MYO16: variants seen among roughly 807,000 people sequenced by gnomAD.
The protein encoded by MYO16 is myosin XVI, also known as unconventional myosin-XVI.
MYO16 carries 94 observed loss-of-function variants against 205.3 expected under a neutral mutation model. The observed-to-expected ratio is 0.46, with a 90% confidence interval of 0.39 to 0.54. The LOEUF is 0.54. Among genes scored for constraint, MYO16 ranks in the 20% least tolerant of loss-of-function variants. The probability of loss-of-function intolerance (pLI) is 0.00; values close to 1 mark genes in which losing one functional copy is unlikely to be tolerated. For missense variants in MYO16, 2,315 were observed against 2,387.5 expected (o/e 0.97, Z 0.63); for synonymous variants, 988 against 954.0 (o/e 1.04, Z -0.66).
At chr13:108,774,485 T>A (rs1886065223) in intron 4 of MYO16, among the ~76,000 whole-genome samples, 1 of 152,210 alleles carries the variant, frequency 6.6e-6, no homozygotes, top group South Asian at 2.1e-4. Context: ...ATTTGAGGGG[T>A]TGCATTGATT....
rs1594163785 is a variant in MYO16 at position 109,179,588 on chromosome 13, A to G, written c.5370A>G (p.Thr1790=). The G allele has an allele frequency of 1.2e-6, 2 of 1,614,070 alleles. No individual in the cohort carries two copies. The highest frequency in any genetic ancestry group is 1.7e-6 in the Non-Finnish European group (2 of 1,179,898). ...DGYSRLSISG[T]GTSTFQRHRD... ...ACTCACGGTTGTCTATAAGTGGCAC[A>G]GGGACTTCGACATTTCAAAGACACA... The change falls in exon 34 of 35, where the codon ACA becomes ACG. Residue 1790 remains threonine (T), a synonymous_variant. Coordinates refer to ENST00000457511, the MANE Select transcript of MYO16 (RefSeq NM_001198950.3).
chr13:109,039,363 A>G (rs990573603), intron 23 of MYO16, among the ~76,000 whole-genome samples: 10 of 152,236 alleles, frequency 6.6e-5, no homozygotes, highest in African/African-American at 2.4e-4. Context: ...GTCAATATTT[A>G]TAAACACATC....
rs562609610 is a variant in MYO16 at position 109,034,275 on chromosome 13, C to T, written c.2797-12641C>T. ...TATATGATATGCTTAGGCTTTATGT[C>T]CCCACCCAAATCTCATCTTGAATTG... is the stretch of plus-strand genomic sequence containing the variant. On this transcript the variant is annotated intron_variant, in intron 23 of 34. Coordinates refer to ENST00000457511, the MANE Select transcript of MYO16 (RefSeq NM_001198950.3). 5.3e-5 allele frequency among the ~76,000 whole-genome samples: 8 copies of T among 152,240 alleles called. No individual in the cohort carries two copies. The South Asian group carries it at 1.7e-3, about 32-fold the overall frequency.
At chr13:108,933,425 T>C (rs868474887) in intron 16 of MYO16, among the ~76,000 whole-genome samples, 3 of 152,024 alleles carry the variant, frequency 2.0e-5, no homozygotes, top group African/African-American at 7.2e-5. Flanking sequence ...TCATTGTAAG[T>C]CCAGAGTATA....
chr13:108,995,708 C>T (rs577272777), intron 21 of MYO16, among the ~76,000 whole-genome samples: 51 of 152,186 alleles, frequency 3.4e-4, no homozygotes, highest in Non-Finnish European at 5.7e-4. Flanking sequence ...TTTGTCCTTG[C>T]GATGGTTTGC....
intron 4 of MYO16, among the ~76,000 whole-genome samples, chr13:108,734,256 G>A (rs113931495): frequency 2.5e-3 from 374 of 151,322 alleles, no homozygotes; most frequent in Admixed American, 5.5e-3. Context: ...TAAAACAAAG[G>A]CAGCATACTA....
intron 28 of MYO16, among the ~76,000 whole-genome samples, chr13:109,109,849 A>C (rs1332545831): frequency 6.6e-6 from 1 of 152,256 alleles, no homozygotes; most frequent in Non-Finnish European, 1.5e-5. Flanking sequence ...CACAGGACAG[A>C]CATATGCAGA....
intron 4 of MYO16, among the ~76,000 whole-genome samples, chr13:108,744,414 TC>T (rs767414266): frequency 1.3e-5 from 2 of 152,192 alleles, no homozygotes; most frequent in Non-Finnish European, 2.9e-5. Context: ...CATATTTATG[TC>T]CCAGTATCTT....
chr13:108,960,993 T>A (rs1384132955), intron 17 of MYO16, among the ~76,000 whole-genome samples: 1 of 152,218 alleles, frequency 6.6e-6, no homozygotes, highest in African/African-American at 2.4e-5. Context: ...CTAGGCACAG[T>A]TGTTTTCATT....
intron 27 of MYO16, among the ~76,000 whole-genome samples, chr13:109,099,741 C>T (rs1888899148): frequency 6.6e-6 from 1 of 152,206 alleles, no homozygotes; most frequent in Non-Finnish European, 1.5e-5. Flanking sequence ...TCCCATGTGG[C>T]TGTCCATGAG....
chr13:108,685,424 C>T (rs1198055638), intron 2 of MYO16, among the ~76,000 whole-genome samples: 2 of 152,136 alleles, frequency 1.3e-5, no homozygotes, highest in Non-Finnish European at 2.9e-5. Context: ...GAGCCCTTAC[C>T]TGTGTATTTA....
chr13:109,185,322 A>G (rs7324073), intron 34 of MYO16, among the ~76,000 whole-genome samples: 85,306 of 151,984 alleles, frequency 0.56, 25,811 homozygotes, highest in African/African-American at 0.79. Flanking sequence ...TGCACAAAAA[A>G]GTAATTTTGG....
At chr13:108,702,158 C>G (rs1225566719) in intron 2 of MYO16, among the ~76,000 whole-genome samples, 1 of 152,014 alleles carries the variant, frequency 6.6e-6, no homozygotes, top group African/African-American at 2.4e-5. Flanking sequence ...TTGGTGAAAA[C>G]TTGCTGAATT....
intron 7 of MYO16, among the ~76,000 whole-genome samples, chr13:108,817,259 A>C (rs1875671135): frequency 6.6e-6 from 1 of 152,246 alleles, no homozygotes; most frequent in Non-Finnish European, 1.5e-5. Flanking sequence ...CCTTATTCAA[A>C]GAGCCAGAAA....
At chr13:109,196,257 C>A (rs188744164) in intron 34 of MYO16, among the ~76,000 whole-genome samples, 1 of 152,258 alleles carries the variant, frequency 6.6e-6, no homozygotes, top group Admixed American at 6.5e-5. Flanking sequence ...AAGGTTTTCT[C>A]AATAACAGAA....
intron 2 of MYO16, among the ~76,000 whole-genome samples, chr13:108,700,412 A>AGT (rs1883260925): frequency 6.6e-6 from 1 of 151,512 alleles, no homozygotes; most frequent in African/African-American, 2.4e-5. Flanking sequence ...CGGCAAGAGC[A>AGT]GTGTTTTGTG....
intron 25 of MYO16, chr13:109,054,419 A>C (rs1162441379): frequency 8.3e-6 from 2 of 240,872 alleles, no homozygotes; most frequent in Non-Finnish European, 1.7e-5. Flanking sequence ...TCCTGAGTGT[A>C]GTTAAATTTA....
chr13:109,065,932 T>C (rs1229566961), intron 27 of MYO16, among the ~76,000 whole-genome samples: 2 of 152,214 alleles, frequency 1.3e-5, no homozygotes, highest in Admixed American at 1.3e-4. Flanking sequence ...GAAGGACTTG[T>C]CAATGAAAGC....
the MYO16 span, among the ~76,000 whole-genome samples, chr13:108,574,924 G>T: frequency 6.6e-6 from 1 of 151,858 alleles, no homozygotes; most frequent in Non-Finnish European, 1.5e-5. Flanking sequence ...ACTAGTTCTA[G>T]TATAAGGTGT....
Sources: allele counts gnomAD v4.1 joint callset (sites outside exome capture counted in the v4.1 genomes callset), GRCh38; gene constraint gnomAD v4.1.1; transcripts MANE v1.5; gene names NCBI Gene and HGNC (gene_info 2026-07-23, HGNC 2026-07-21).